The following SENP6 variants were observed in gnomAD, a reference collection of about 807,000 sequenced individuals.
The protein encoded by SENP6 is SUMO specific peptidase 6, also known as sentrin-specific protease 6.
Under a neutral mutation model 134.5 loss-of-function variants are expected in SENP6, and 41 were observed. The ratio of observed to expected loss-of-function variants is 0.30; its 90% CI spans 0.24 to 0.40. SENP6 has a LOEUF of 0.40. Ranked by LOEUF, SENP6 falls within the 10% of genes least tolerant of loss-of-function variation. The pLI, the probability that SENP6 is intolerant of heterozygous loss-of-function variation, is 1.00. For missense variants in SENP6, 1,248 were observed against 1,312.5 expected, an observed-to-expected ratio of 0.95 and a Z score of 0.76; for synonymous variants, 395 against 429.8, an observed-to-expected ratio of 0.92 and a Z score of 1.00.
chr6:75,604,522 C>T (rs888156207), intron 1 of SENP6, among the ~76,000 whole-genome samples: 2 of 151,602 alleles, frequency 1.3e-5, no homozygotes, highest in Non-Finnish European at 2.9e-5. Context: ...GTCCCAGCTA[C>T]TGCGGAGGCT....
intron 1 of SENP6, among the ~76,000 whole-genome samples, chr6:75,607,502 T>G (rs1237424988): frequency 6.6e-6 from 1 of 152,192 alleles, no homozygotes; most frequent in Non-Finnish European, 1.5e-5. Context: ...TCTTATACAT[T>G]TCTTCATTTT....
rs1023075405 is a variant in SENP6 at position 75,602,439 on chromosome 6, C to T, written c.-86C>T. The T allele has an allele frequency of 1.1e-5, 16 of 1,475,680 alleles. No individual in the cohort carries two copies. The highest frequency in any genetic ancestry group is 1.5e-5 in the Non-Finnish European group (16 of 1,084,028). The allele number at this position is 1,475,680 out of a possible 1,614,324, so 91.4% of individuals were successfully genotyped here. ...AGGCCCGCAACCCTGCGGCGTCTAC[C>T]CTCCTCCGGCGCGGCCCCTCATCCC... On this transcript the variant is annotated 5_prime_UTR_variant, in exon 1 of 24. Coordinates refer to ENST00000447266, the MANE Select transcript of SENP6 (RefSeq NM_015571.4).
rs748110585 is a variant in SENP6 at position 75,675,256 on chromosome 6, CAGTT to C, written c.1393-175_1393-172del. ...TGTGACAAGAATGTTAACAGTTTAA[CAGTT>C]AGTGGGTTTAGATAAGCAATGTTTA... On this transcript the variant is annotated intron_variant, in intron 11 of 23. Coordinates refer to ENST00000447266, the MANE Select transcript of SENP6 (RefSeq NM_015571.4). 1.3e-3 allele frequency among the ~76,000 whole-genome samples: 190 copies of C among 151,830 alleles called. 1 individual carries two copies. Among genetic ancestry groups the C allele is most frequent in the Admixed American group, 2.1e-3 (32 of 15,238 alleles).
intron 16 of SENP6, among the ~76,000 whole-genome samples, chr6:75,693,242 A>C (rs1774411745): frequency 6.6e-6 from 1 of 151,906 alleles, no homozygotes; most frequent in Non-Finnish European, 1.5e-5. Context: ...TCTACTAAAA[A>C]AAAAATACAG....
At chr6:75,700,932 A>G (rs1352820191) in intron 18 of SENP6, among the ~76,000 whole-genome samples, 2 of 152,222 alleles carry the variant, frequency 1.3e-5, no homozygotes, top group Admixed American at 6.5e-5. Flanking sequence ...CTAAATCCAT[A>G]GGGTACTAAG....
At chr6:75,642,099 G>A (rs183823522) in intron 6 of SENP6, among the ~76,000 whole-genome samples, 2 of 152,298 alleles carry the variant, frequency 1.3e-5, no homozygotes, top group East Asian at 1.9e-4. Flanking sequence ...ACAATTGTTT[G>A]AAATGGTAAA....
rs773186282 is a variant in SENP6 at position 75,670,645 on chromosome 6, C to G, written c.1317C>G (p.Ser439=). 1 of 1,613,642 alleles carries G rather than the reference C, an allele frequency of 6.2e-7. No individual in the cohort carries two copies. Among genetic ancestry groups the G allele is most frequent in the Non-Finnish European group, 8.5e-7 (1 of 1,179,766 alleles). ...PDALALSCQS[S]FDSVILNCRS... is the part of the protein sequence containing the mutation. The stretch of plus-strand genomic sequence containing the variant: ...CTTTAGCTTTAAGCTGCCAAAGTTC[C>G]TTTGACAGTGTCATTTTAAACTGTC... Residue 439 remains serine (S), a synonymous_variant, in exon 11 of 24, where the codon TCC becomes TCG. Transcript: ENST00000447266.
intron 1 of SENP6, among the ~76,000 whole-genome samples, chr6:75,609,841 G>C (rs1162865752): frequency 1.3e-5 from 2 of 152,108 alleles, no homozygotes; most frequent in Non-Finnish European, 2.9e-5. Context: ...GTGTAGTGGC[G>C]CCATCTCAGC....
intron 16 of SENP6, among the ~76,000 whole-genome samples, chr6:75,693,128 AG>A (rs1453442158): frequency 6.6e-6 from 1 of 152,154 alleles, no homozygotes; most frequent in Non-Finnish European, 1.5e-5. Flanking sequence ...GGCCAGGCAC[AG>A]TGGCTCACGC....
intron 1 of SENP6, among the ~76,000 whole-genome samples, chr6:75,609,662 T>C (rs1260435278): frequency 6.6e-6 from 1 of 152,234 alleles, no homozygotes; most frequent in Non-Finnish European, 1.5e-5. Flanking sequence ...ATCCAACTTT[T>C]GGACAGTTTG....
Position 75,617,263 on chromosome 6 carries a change from CTTTTTTTTTTTT to C in SENP6, c.53-4253_53-4242del, listed in dbSNP as rs71002751. ...GATGGTTTGGAGAATTTCTTTCTTT[CTTTTTTTTTTTT>C]TTTTTTTTTTTTTTTGAGACGGAGT... On this transcript the variant is annotated intron_variant, in intron 1 of 23. Coordinates refer to ENST00000447266, the MANE Select transcript of SENP6 (RefSeq NM_015571.4). Among the ~76,000 whole-genome samples, 404 of 58,132 alleles carry C rather than the reference CTTTTTTTTTTTT, an allele frequency of 6.9e-3. 2 individuals are homozygous for C. Among genetic ancestry groups the C allele is most frequent in the African/African-American group, 0.025 (358 of 14,494 alleles). 38.1% of individuals were successfully genotyped at this position (58,132 alleles called of 152,430 possible).
chr6:75,663,085 C>T (rs867232492), intron 8 of SENP6, 136 bp from the exon 9 acceptor site: 1 of 734,988 alleles, frequency 1.4e-6, no homozygotes, highest in Admixed American at 3.0e-5. Flanking sequence ...CTTAATGATG[C>T]AGTAAAATGC....
intron 1 of SENP6, among the ~76,000 whole-genome samples, chr6:75,612,102 A>C (rs1443054689): frequency 6.6e-6 from 1 of 152,166 alleles, no homozygotes; most frequent in Non-Finnish European, 1.5e-5. Flanking sequence ...TTCTTCATGT[A>C]GCATCTGCAG....
rs190789619 is a variant in SENP6 at position 75,702,498 on chromosome 6, G to A, written c.2289-147G>A. ...CTCCCAAAGTGCTGGGATTACTGGC[G>A]TGAGCTACTGCGCCCGGCCAGAATT... On this transcript the variant is annotated intron_variant, in intron 18 of 23. Transcript: ENST00000447266. The A allele has an allele frequency of 3.3e-4, 238 of 717,220 alleles. No individual in the cohort carries two copies. The African/African-American group carries it at 3.8e-3, about 12-fold the overall frequency. 44.4% of individuals were successfully genotyped at this position (717,220 alleles called of 1,614,324 possible).
intron 5 of SENP6, among the ~76,000 whole-genome samples, chr6:75,639,226 AC>A (rs1769839903): frequency 6.6e-6 from 1 of 152,124 alleles, no homozygotes; most frequent in African/African-American, 2.4e-5. Flanking sequence ...CTAGATTTAA[AC>A]TTTTATGTTT....
chr6:75,603,332 G>T (rs1010248969), intron 1 of SENP6, among the ~76,000 whole-genome samples: 3 of 151,956 alleles, frequency 2.0e-5, no homozygotes, highest in African/African-American at 4.8e-5. Flanking sequence ...GATTTTTTTG[G>T]CCTATGAATA....
chr6:75,642,162 G>A lies in SENP6; in HGVS notation c.479+1458G>A, dbSNP rs115676805. On this transcript the variant is annotated intron_variant, in intron 6 of 23. Transcript: ENST00000447266. ...AGGCATACGCTTTTATTCATTCCAAGTATTTATCGAACCTGCTGTTACAGG... is the reference window on the plus strand; with the variant it reads ...AGGCATACGCTTTTATTCATTCCAAATATTTATCGAACCTGCTGTTACAGG... Among the ~76,000 whole-genome samples the A allele has an allele frequency of 2.0e-3, 305 of 152,314 alleles. 1 individual carries two copies. Among genetic ancestry groups the A allele is most frequent in the African/African-American group, 7.0e-3 (289 of 41,566 alleles).
intron 7 of SENP6, among the ~76,000 whole-genome samples, chr6:75,651,447 T>G (rs715090): frequency 0.27 from 41,560 of 152,084 alleles, 6,464 homozygotes; most frequent in Non-Finnish European, 0.37. Context: ...CTCGACCTCC[T>G]AGTCTTACAT....
chr6:75,658,140 T>G (rs1231966889), intron 7 of SENP6, among the ~76,000 whole-genome samples: 1 of 152,108 alleles, frequency 6.6e-6, no homozygotes, highest in Non-Finnish European at 1.5e-5. Context: ...ACTTAAGAGC[T>G]ATTTAGAAGT....
Sources: allele counts gnomAD v4.1 joint callset (sites outside exome capture counted in the v4.1 genomes callset), GRCh38; gene constraint gnomAD v4.1.1; transcripts MANE v1.5; gene names NCBI Gene and HGNC (gene_info 2026-07-23, HGNC 2026-07-21).